SLCO1B1: variants seen among roughly 807,000 people sequenced by gnomAD.
SLCO1B1 encodes solute carrier organic anion transporter family member 1B1.
A neutral mutation model predicts 70.1 loss-of-function variants in SLCO1B1; 81 were observed. That is an observed-to-expected ratio of 1.16 (90% CI 0.97 to 1.39). The LOEUF is 1.39. Ranked by LOEUF, SLCO1B1 falls within the 40% of genes most tolerant of loss-of-function variation. The pLI is 0.00. For synonymous variants in SLCO1B1, 283 were observed against 271.5 expected (o/e 1.04, Z -0.42); for missense variants, 895 against 799.6 (o/e 1.12, Z -1.44).
At chr12:21,172,537 A>T in intron 2 of SLCO1B1, 113 bp from the exon 3 acceptor site, 1 of 1,219,350 alleles carries the variant, frequency 8.2e-7, no homozygotes, top group South Asian at 1.2e-5. Flanking sequence ...GGTTTTTAAG[A>T]TACAAATAAT....
chr12:21,141,385 A>AG, intron 1 of SLCO1B1, 129 bp from the exon 2 acceptor site: 1 of 427,210 alleles, frequency 2.3e-6, no homozygotes, highest in South Asian at 2.6e-5. Context: ...GCAGAGTGGT[A>AG]ACGACATAGT....
At chr12:21,210,844 T>G (rs1591821965) in intron 11 of SLCO1B1, among the ~76,000 whole-genome samples, 1 of 151,940 alleles carries the variant, frequency 6.6e-6, no homozygotes, top group African/African-American at 2.4e-5. Flanking sequence ...AGTTCACTCA[T>G]GATTTGGCTC....
chr12:21,207,646 T>A (rs531917486), intron 11 of SLCO1B1, among the ~76,000 whole-genome samples: 1 of 152,152 alleles, frequency 6.6e-6, no homozygotes, highest in Admixed American at 6.6e-5. Context: ...TTATTTTCCT[T>A]TGGGTATATA....
At chr12:21,234,343 C>T (rs1294634725) in intron 14 of SLCO1B1, among the ~76,000 whole-genome samples, 1 of 152,066 alleles carries the variant, frequency 6.6e-6, no homozygotes, top group Non-Finnish European at 1.5e-5. Context: ...TACAATAGTG[C>T]TGTTATCCTC....
intron 2 of SLCO1B1, among the ~76,000 whole-genome samples, chr12:21,146,449 G>T (rs546193071): frequency 5.7e-4 from 87 of 151,788 alleles, no homozygotes; most frequent in Non-Finnish European, 1.0e-3. Context: ...TTGATTTCAG[G>T]TCCAATTTTT....
At chr12:21,196,173 A>AATTGTTGAATAAAAT (rs1941089755) in intron 7 of SLCO1B1, among the ~76,000 whole-genome samples, 1 of 152,176 alleles carries the variant, frequency 6.6e-6, no homozygotes, top group African/African-American at 2.4e-5. Flanking sequence ...ATCGCTGTAT[A>AATTGTTGAATAAAAT]ATTGTTGAAT....
chr12:21,213,316 G>C (rs200867153), intron 11 of SLCO1B1, among the ~76,000 whole-genome samples: 3 of 151,500 alleles, frequency 2.0e-5, no homozygotes, highest in African/African-American at 4.9e-5. Context: ...TTTCTCCTTC[G>C]CTTATGAAGC....
chr12:21,207,812 T>C lies in SLCO1B1; in HGVS notation c.1497+1779T>C, dbSNP rs993977380. On this transcript the variant is annotated intron_variant, in intron 11 of 14. Coordinates refer to ENST00000256958, the MANE Select transcript of SLCO1B1 (RefSeq NM_006446.5). ...GCAGCCTTGCCAGCGTCTGTTTTTT[T>C]AATGTTTTGAACCAGTCAGCCCTTC... is the stretch of plus-strand genomic sequence containing the variant. 3.3e-5 allele frequency among the ~76,000 whole-genome samples: 5 copies of C among 152,026 alleles called. No individual in the cohort carries two copies. In the South Asian group the frequency reaches 8.3e-4, roughly 25 times the overall value.
chr12:21,234,775 T>G (rs888986972), intron 14 of SLCO1B1, among the ~76,000 whole-genome samples: 1 of 152,182 alleles, frequency 6.6e-6, no homozygotes, highest in African/African-American at 2.4e-5. Flanking sequence ...AAAAATTGTG[T>G]TCTGCTCTAA....
intron 2 of SLCO1B1, among the ~76,000 whole-genome samples, chr12:21,166,318 A>G (rs897498881): frequency 3.3e-5 from 5 of 152,208 alleles, no homozygotes; most frequent in Non-Finnish European, 7.4e-5. Flanking sequence ...GGAAATAATC[A>G]TGGGCAAGAG....
At chr12:21,172,928 C>T (rs1940774013) in intron 3 of SLCO1B1, 137 bp downstream of exon 3, 1 of 785,938 alleles carries the variant, frequency 1.3e-6, no homozygotes, top group Non-Finnish European at 2.1e-6. Flanking sequence ...TTGTGGTTGT[C>T]ATAACTGCAC....
Position 21,173,914 on chromosome 12 carries a change from T to C in SLCO1B1, c.227-663T>C, listed in dbSNP as rs536721350. Among the ~76,000 whole-genome samples the C allele has an allele frequency of 1.9e-3, 293 of 152,016 alleles. 1 individual carries two copies. The highest frequency in any genetic ancestry group is 6.7e-3 in the African/African-American group (278 of 41,482). ...CTGGGACTACAGGCACCCGCCACTA[T>C]GCCCGGCTAATTTTTTGTATTTTTA... On this transcript the variant is annotated intron_variant, in intron 3 of 14. Transcript: ENST00000256958.
intron 11 of SLCO1B1, among the ~76,000 whole-genome samples, chr12:21,206,576 G>C (rs1405203880): frequency 6.6e-6 from 1 of 151,746 alleles, no homozygotes; most frequent in Non-Finnish European, 1.5e-5. Context: ...TTTCTATTTT[G>C]ATTTTTCCAA....
intron 2 of SLCO1B1, among the ~76,000 whole-genome samples, chr12:21,142,248 G>T (rs754169044): frequency 1.4e-4 from 22 of 151,740 alleles, no homozygotes; most frequent in Non-Finnish European, 2.8e-4. Flanking sequence ...TTTGCTTTTG[G>T]CACAAACTGT....
intron 7 of SLCO1B1, among the ~76,000 whole-genome samples, chr12:21,190,057 C>G (rs1941011610): frequency 6.6e-6 from 1 of 152,088 alleles, no homozygotes; most frequent in African/African-American, 2.4e-5. Flanking sequence ...AGGAAGCAGG[C>G]CTTTAGAAAG....
At chr12:21,217,075 GTC>G in intron 11 of SLCO1B1, 42 bp from the exon 12 acceptor site, 1 of 1,478,814 alleles carries the variant, frequency 6.8e-7, no homozygotes, top group Non-Finnish European at 9.4e-7. Context: ...GCACTGTTAG[GTC>G]TTGCAAATTT....
intron 2 of SLCO1B1, among the ~76,000 whole-genome samples, chr12:21,159,170 A>G (rs1940580260): frequency 6.6e-6 from 1 of 152,224 alleles, no homozygotes; most frequent in Non-Finnish European, 1.5e-5. Context: ...TTCTCAAAAT[A>G]CATTGAAGTT....
intron 2 of SLCO1B1, among the ~76,000 whole-genome samples, chr12:21,147,396 CA>C (rs1211087866): frequency 1.3e-5 from 2 of 152,158 alleles, no homozygotes; most frequent in Admixed American, 6.5e-5. Context: ...ATCAACCCGT[CA>C]TCTACATTAG....
intron 14 of SLCO1B1, among the ~76,000 whole-genome samples, chr12:21,233,587 A>G (rs1320021023): frequency 1.3e-5 from 2 of 150,448 alleles, no homozygotes; most frequent in Non-Finnish European, 3.0e-5. Flanking sequence ...AAAAAAAACA[A>G]GAGCCCCAAA....
Sources: gnomAD v4.1 joint callset for allele counts (sites outside exome capture counted in the v4.1 genomes callset) on GRCh38, gnomAD v4.1.1 for gene constraint, MANE v1.5 for transcripts, NCBI Gene and HGNC (gene_info 2026-07-23, HGNC 2026-07-21) for gene names.